Variants in EXPH5 observed in about 807,000 individuals in gnomAD.
The protein encoded by EXPH5 is exophilin-5.
Under a neutral mutation model 41.1 loss-of-function variants are expected in EXPH5, and 42 were observed. The ratio of observed to expected loss-of-function variants is 1.02; its 90% CI spans 0.80 to 1.32. EXPH5 has a LOEUF of 1.32. EXPH5 is among the 40% of genes most tolerant of loss of function. The pLI, the probability that EXPH5 is intolerant of heterozygous loss-of-function variation, is 0.00. For missense variants in EXPH5, 2,298 were observed against 2,314.5 expected (o/e 0.99, Z 0.15); for synonymous variants, 798 against 833.5 (o/e 0.96, Z 0.73).
At chr11:108,527,569 C>T (rs779106748) in intron 4 of EXPH5, among the ~76,000 whole-genome samples, 2 of 152,168 alleles carry the variant, frequency 1.3e-5, no homozygotes, top group African/African-American at 2.4e-5. Flanking sequence ...CAGGAAGACA[C>T]AGGAATGTGT....
intron 1 of EXPH5, among the ~76,000 whole-genome samples, chr11:108,558,557 T>C (rs892590114): frequency 6.6e-6 from 1 of 152,240 alleles, no homozygotes; most frequent in Non-Finnish European, 1.5e-5. Context: ...TCTGGTATAT[T>C]GTCCTCTTGT....
intron 1 of EXPH5, among the ~76,000 whole-genome samples, chr11:108,579,212 T>A (rs1003305370): frequency 1.3e-5 from 2 of 152,008 alleles, no homozygotes; most frequent in Non-Finnish European, 2.9e-5. Context: ...TTTTTTTTTT[T>A]TTATCATGAA....
At chr11:108,538,341 T>G in intron 3 of EXPH5, 1 of 642,956 alleles carries the variant, frequency 1.6e-6, no homozygotes, top group Non-Finnish European at 1.9e-6. Flanking sequence ...CAATTGCACT[T>G]AAGCATAGCC....
At position 108,511,550 on chromosome 11, in the gene EXPH5, G is replaced by C. The variant is rs1339250241; in HGVS notation, c.3957C>G (p.Asn1319Lys). The C allele has an allele frequency of 5.0e-6, 8 of 1,612,986 alleles. No individual in the cohort carries two copies. Among genetic ancestry groups the C allele is most frequent in the Non-Finnish European group, 5.9e-6 (7 of 1,179,692 alleles). The change falls in exon 6 of 6, where the codon AAC becomes AAG. Residue 1319 changes from asparagine to lysine, a missense_variant. Coordinates refer to ENST00000265843, the MANE Select transcript of EXPH5 (RefSeq NM_015065.3). ...PSCENLKMSV[N>K]SDQTLTTENM... ...TTTCAGTGGTGAGCGTCTGATCAGA[G>C]TTGACGGACATCTTTAGATTTTCAC... is the stretch of plus-strand genomic sequence containing the variant.
At chr11:108,577,280 T>C (rs1296608964) in intron 1 of EXPH5, among the ~76,000 whole-genome samples, 15 of 152,232 alleles carry the variant, frequency 9.9e-5, no homozygotes, top group Admixed American at 9.8e-4. Context: ...TGCTGGATCA[T>C]ATGGTAGTTC....
intron 4 of EXPH5, among the ~76,000 whole-genome samples, chr11:108,524,722 A>C (rs1234269284): frequency 6.6e-6 from 1 of 152,226 alleles, no homozygotes; most frequent in Non-Finnish European, 1.5e-5. Flanking sequence ...GATGTTATCA[A>C]ATGCCTTGGT....
intron 1 of EXPH5, among the ~76,000 whole-genome samples, chr11:108,573,188 GAAAGAAAGAAAAAGAA>G (rs2094068246): frequency 7.2e-6 from 1 of 138,644 alleles, no homozygotes; most frequent in African/African-American, 3.1e-5. Context: ...AAGAAAGAAA[GAAAGAAAGAAAAAGAA>G]AGAAAGAAAG....
rs116676624 is a variant in EXPH5 at position 108,574,669 on chromosome 11, A to T, written c.119+18749T>A. 4.7e-3 allele frequency among the ~76,000 whole-genome samples: 715 copies of T among 152,314 alleles called. 8 individuals carry two copies. The highest frequency in any genetic ancestry group is 0.016 in the African/African-American group (660 of 41,568). On this transcript the variant is annotated intron_variant, in intron 1 of 5. Coordinates refer to ENST00000265843, the MANE Select transcript of EXPH5 (RefSeq NM_015065.3). ...CTCAGGGGATGGATCATGTGTGGTC[A>T]AAGTCTGATATTTCAATCCCATTTC... is the stretch of plus-strand genomic sequence containing the variant.
rs2093657244 is a variant in EXPH5, at chr11:108,508,595, A to T, written c.*942T>A. The T allele has an allele frequency of 6.6e-6, 1 of 152,324 alleles. No individual in the cohort carries two copies. The highest frequency in any genetic ancestry group is 1.5e-5 in the Non-Finnish European group (1 of 68,102). 9.4% of individuals were successfully genotyped at this position (152,324 alleles called of 1,614,324 possible). Reference sequence around the variant, plus strand: ...TGGATAGTTCTGAGGAAATGGGAAAAGCCAGTTGCTGAGAGAACTGCAGTA... The same window carrying T: ...TGGATAGTTCTGAGGAAATGGGAAATGCCAGTTGCTGAGAGAACTGCAGTA... On this transcript the variant is annotated 3_prime_UTR_variant, in exon 6 of 6. Transcript: ENST00000265843.
In EXPH5 at chr11:108,510,516, T is replaced by C. The variant is rs1488989643; in HGVS notation, c.4991A>G (p.Lys1664Arg). 1 of 1,614,216 alleles carries C rather than the reference T, an allele frequency of 6.2e-7. No homozygotes were observed. The highest frequency in any genetic ancestry group is 8.5e-7 in the Non-Finnish European group (1 of 1,180,046). The change falls in exon 6 of 6, where the codon AAG (lysine) becomes AGG (arginine). Residue 1664 changes from lysine (K) to arginine (R), a missense_variant. Physicochemically the swap from Lys to Arg is conservative, Grantham distance 26 (BLOSUM62 2). Transcript: ENST00000265843. ...AAGGTTCTCGGATTTCTTCACATGC[T>C]TTCCGTTCTCACTCAACCTGCTTTC... is the stretch of plus-strand genomic sequence containing the variant. ...IGESRLSENG[K>R]HVKKSENLLP...
chr11:108,604,065 T>A, the EXPH5 span, among the ~76,000 whole-genome samples: 5 of 152,186 alleles, frequency 3.3e-5, no homozygotes, highest in East Asian at 9.7e-4. Context: ...TCAATTTTTT[T>A]AAGGGTAGGC....
At chr11:108,550,930 C>T (rs950754568) in intron 1 of EXPH5, among the ~76,000 whole-genome samples, 2 of 152,190 alleles carry the variant, frequency 1.3e-5, no homozygotes, top group African/African-American at 4.8e-5. Context: ...AACATTCCTA[C>T]ATCACATCCA....
In EXPH5 at chr11:108,507,320, T is replaced by G. The variant is rs2093649613; in HGVS notation, c.*2217A>C. ...GATTAGAAGGATAACAACAACATAG[T>G]TCTTTCTTAACTCTCTATCAGTTCC... On this transcript the variant is annotated 3_prime_UTR_variant, in exon 6 of 6. Transcript: ENST00000265843. 1 of 152,242 alleles carries G rather than the reference T, an allele frequency of 6.6e-6. No homozygotes were observed. The highest frequency in any genetic ancestry group is 1.5e-5 in the Non-Finnish European group (1 of 68,044). The allele number at this position is 152,242 out of a possible 1,614,324, so 9.4% of individuals were successfully genotyped here.
At chr11:108,530,647 C>T (rs905691271) in intron 3 of EXPH5, among the ~76,000 whole-genome samples, 6 of 152,180 alleles carry the variant, frequency 3.9e-5, no homozygotes, top group Non-Finnish European at 8.8e-5. Context: ...TGGTGCATCC[C>T]CACAGTCCGA....
At chr11:108,543,338 G>A (rs1455017873) in intron 1 of EXPH5, among the ~76,000 whole-genome samples, 11 of 152,086 alleles carry the variant, frequency 7.2e-5, no homozygotes, top group Non-Finnish European at 1.6e-4. Flanking sequence ...TCTATTTAAG[G>A]AAGACCCTAG....
chr11:108,604,227 C>A, the EXPH5 span, among the ~76,000 whole-genome samples: 947 of 109,236 alleles, frequency 8.7e-3, no homozygotes, highest in Non-Finnish European at 9.3e-3. Flanking sequence ...CCCATCTCTA[C>A]AAAAAAAAAA....
chr11:108,562,224 A>G (rs2094014858), intron 1 of EXPH5, among the ~76,000 whole-genome samples: 1 of 151,742 alleles, frequency 6.6e-6, no homozygotes, highest in Non-Finnish European at 1.5e-5. Context: ...TCAAATGTCA[A>G]TAAAACTGAC....
intron 5 of EXPH5, among the ~76,000 whole-genome samples, chr11:108,516,341 T>C (rs2093726961): frequency 6.6e-6 from 1 of 152,188 alleles, no homozygotes; most frequent in Non-Finnish European, 1.5e-5. Context: ...TCTGTGATCT[T>C]AGACAAGCCA....
intron 1 of EXPH5, among the ~76,000 whole-genome samples, chr11:108,593,037 A>G (rs2136132035): frequency 6.6e-6 from 1 of 152,294 alleles, no homozygotes; most frequent in East Asian, 1.9e-4. Flanking sequence ...AGCAGCAGCC[A>G]GGATTCCTCT....
Sources: allele counts gnomAD v4.1 joint callset (sites outside exome capture counted in the v4.1 genomes callset), GRCh38; gene constraint gnomAD v4.1.1; transcripts MANE v1.5; gene names NCBI Gene and HGNC (gene_info 2026-07-23, HGNC 2026-07-21).